INCENP: variants seen among roughly 807,000 people sequenced by gnomAD.
INCENP encodes the protein binds and activates aurora-B and -C in vivo and in vitro.
In INCENP, 43 loss-of-function variants were observed where a neutral mutation model predicts 107.3. The observed-to-expected ratio is 0.40, with a 90% CI of 0.31 to 0.52. The LOEUF (loss-of-function observed/expected upper bound fraction) is 0.52. Ranked by LOEUF, INCENP falls within the 20% of genes least tolerant of loss-of-function variation. The pLI is 0.53. For synonymous variants in INCENP, 488 were observed against 494.4 expected, an observed-to-expected ratio of 0.99 and a Z score of 0.17; for missense variants, 1,089 against 1,250.9, an observed-to-expected ratio of 0.87 and a Z score of 1.95.
intron 11 of INCENP, among the ~76,000 whole-genome samples, chr11:62,144,058 G>A (rs1187541796): frequency 3.9e-5 from 6 of 152,238 alleles, no homozygotes; most frequent in East Asian, 3.8e-4. Flanking sequence ...CCAGCTGGGT[G>A]TGGTAGCTCA....
rs150267576 is a variant in INCENP, at chr11:62,129,869, C to T, written c.342C>T (p.Val114=). 3.3e-5 allele frequency: 54 copies of T among 1,613,370 alleles called. No individual in the cohort carries two copies. The African/African-American group carries it at 5.3e-4, about 16-fold the overall frequency. The change falls in exon 4 of 19, where the codon GTC becomes GTT. Residue 114 remains valine (V), a synonymous_variant. Transcript: ENST00000394818. ...KDSVEKLATV[V]GENGSVLRRV... ...GTGTAGAGAAGCTGGCTACAGTGGT[C>T]GGGGAGAACGGCTCCGTCCTGCGGC...
At position 62,128,275 on chromosome 11, in the gene INCENP, A is replaced by C. The variant is rs766073816; in HGVS notation, c.114A>C (p.Gln38His). ...ACTTGGTGTGGCTTGAGGAAATCCA[A>C]GAGGAGGCCGAGCGCATGTTCACCA... is the stretch of plus-strand genomic sequence containing the variant. ...NKDLVWLEEIQEEAERMFTRE... is the reference protein window; with the variant it reads ...NKDLVWLEEIHEEAERMFTRE... Residue 38 changes from glutamine to histidine, a missense_variant, in exon 2 of 19, where the codon CAA becomes CAC. Transcript: ENST00000394818. The C allele has an allele frequency of 1.2e-6, 2 of 1,614,118 alleles. No homozygotes were observed. Among genetic ancestry groups the C allele is most frequent in the Non-Finnish European group, 1.7e-6 (2 of 1,180,006 alleles).
At chr11:62,124,857 G>A (rs1450797331) in intron 1 of INCENP, among the ~76,000 whole-genome samples, 3 of 152,208 alleles carry the variant, frequency 2.0e-5, no homozygotes, top group Non-Finnish European at 2.9e-5. Flanking sequence ...CTGCCCATGC[G>A]TATCCTCAAG....
At chr11:62,143,239 C>G (rs534924333) in intron 11 of INCENP, among the ~76,000 whole-genome samples, 1 of 145,148 alleles carries the variant, frequency 6.9e-6, no homozygotes, top group South Asian at 2.3e-4. Flanking sequence ...CCCCTGGTTG[C>G]CATAGGACTG....
At chr11:62,131,018 C>T (rs574895991) in intron 4 of INCENP, among the ~76,000 whole-genome samples, 1 of 152,294 alleles carries the variant, frequency 6.6e-6, no homozygotes, top group South Asian at 2.1e-4. Flanking sequence ...TTCCTCCCAA[C>T]CCTATGCTGC....
intron 11 of INCENP, chr11:62,141,740 G>A: frequency 3.2e-6 from 2 of 618,994 alleles, no homozygotes; most frequent in Non-Finnish European, 5.8e-6. Context: ...GCTCTTAGGA[G>A]GAAGCAAGGG....
chr11:62,128,134 G>A lies in INCENP; in HGVS notation c.-11-17G>A. The A allele has an allele frequency of 1.2e-6, 2 of 1,613,660 alleles. No individual in the cohort carries two copies. The highest frequency in any genetic ancestry group is 1.7e-6 in the Non-Finnish European group (2 of 1,179,868). On this transcript the variant is annotated splice_polypyrimidine_tract_variant and intron_variant, in intron 1 of 18. Transcript: ENST00000394818. ...CCTGGGCCCCTAACTTGTGCCTCTT[G>A]TCCCTGCCTTCACCAGACAGAGCCA... is the stretch of plus-strand genomic sequence containing the variant.
At chr11:62,149,005 A>G (rs891710629) in intron 17 of INCENP, among the ~76,000 whole-genome samples, 159 bp downstream of exon 17, 1 of 152,196 alleles carries the variant, frequency 6.6e-6, no homozygotes, top group Admixed American at 6.5e-5. Flanking sequence ...TTGTTATTCT[A>G]AAAGTAGAAT....
intron 18 of INCENP, among the ~76,000 whole-genome samples, chr11:62,150,648 G>C (rs941511289): frequency 6.6e-6 from 1 of 152,210 alleles, no homozygotes; most frequent in African/African-American, 2.4e-5. Flanking sequence ...AGCTCGGGGA[G>C]GCAGGAAAGT....
At chr11:62,142,397 C>T (rs60895375) in intron 11 of INCENP, among the ~76,000 whole-genome samples, 6,080 of 152,300 alleles carry the variant, frequency 0.04, 378 homozygotes, top group African/African-American at 0.14. Context: ...AGTGGCCTTA[C>T]CACCTGTGCC....
chr11:62,128,642 C>T (rs978877285), intron 2 of INCENP, 128 bp from the exon 3 acceptor site: 2 of 709,818 alleles, frequency 2.8e-6, no homozygotes, highest in Non-Finnish European at 5.0e-6. Context: ...CCTTGGAGAG[C>T]TCACTTGGTG....
chr11:62,130,022 G>A lies in INCENP; in HGVS notation c.495G>A (p.Leu165=), dbSNP rs751989353. The A allele has an allele frequency of 1.2e-6, 2 of 1,613,934 alleles. No homozygotes were observed. The highest frequency in any genetic ancestry group is 1.7e-6 in the Non-Finnish European group (2 of 1,180,028). ...AGGATAACCACACCCAGTGCCAGCTGGTGCCTGTGGTGGAGATCGGCATCA... is the reference window on the plus strand; with the variant it reads ...AGGATAACCACACCCAGTGCCAGCTAGTGCCTGTGGTGGAGATCGGCATCA... ...KPEDNHTQCQ[L]VPVVEIGISE... Residue 165 remains leucine, a synonymous_variant, in exon 4 of 19, where the codon CTG becomes CTA. Coordinates refer to ENST00000394818, the MANE Select transcript of INCENP (RefSeq NM_001040694.2).
rs371496462 is a variant in INCENP, at chr11:62,152,370, C to T, written c.*394C>T. On this transcript the variant is annotated 3_prime_UTR_variant, in exon 19 of 19. Coordinates refer to ENST00000394818, the MANE Select transcript of INCENP (RefSeq NM_001040694.2). Reference sequence around the variant, plus strand: ...GAAGACTGGGCGCCTCAGTCCCAGCCCTGTAGCTGTGTGTCTTGGGCCACC... The same window carrying T: ...GAAGACTGGGCGCCTCAGTCCCAGCTCTGTAGCTGTGTGTCTTGGGCCACC... 2.6e-4 allele frequency: 58 copies of T among 222,520 alleles called. No individual in the cohort carries two copies. The East Asian group carries it at 5.8e-3, about 22-fold the overall frequency. 13.8% of individuals were successfully genotyped at this position (222,520 alleles called of 1,614,324 possible).
In INCENP at chr11:62,130,559, C is replaced by G. The variant is rs574983256; in HGVS notation, c.1032C>G (p.Ala344=). ...RASRRLAKKT[A]EEPAASGRII... Reference sequence around the variant, plus strand: ...GCAGAAGGCTTGCCAAGAAGACTGCCGAAGAGCCAGCTGCCTCTGGCCGCA... The same window carrying G: ...GCAGAAGGCTTGCCAAGAAGACTGCGGAAGAGCCAGCTGCCTCTGGCCGCA... Residue 344 remains alanine (A), a synonymous_variant, in exon 4 of 19, where the codon GCC becomes GCG. Transcript: ENST00000394818. 5 of 1,613,298 alleles carry G rather than the reference C, an allele frequency of 3.1e-6. No individual in the cohort carries two copies. The South Asian group carries it at 4.4e-5, about 14-fold the overall frequency.
Position 62,137,578 on chromosome 11 carries a change from T to C in INCENP, c.1064-254T>C, listed in dbSNP as rs1201801870. On this transcript the variant is annotated intron_variant, in intron 4 of 18. Coordinates refer to ENST00000394818, the MANE Select transcript of INCENP (RefSeq NM_001040694.2). ...TCTTCTCGAGATATTCCCAGCCCAG[T>C]GAAGGTGCCCAGCCGTGCTCTCAGA... 2.0e-5 allele frequency among the ~76,000 whole-genome samples: 3 copies of C among 152,100 alleles called. No individual in the cohort carries two copies. In the East Asian group the frequency reaches 5.8e-4, roughly 29 times the overall value.
intron 11 of INCENP, among the ~76,000 whole-genome samples, chr11:62,143,096 G>A (rs1381377798): frequency 6.6e-6 from 1 of 152,210 alleles, no homozygotes; most frequent in East Asian, 1.9e-4. Context: ...TTTTGACTTG[G>A]CAGCTTTCTC....
chr11:62,145,608 A>G (rs1459194566), intron 13 of INCENP, 21 bp from the exon 14 acceptor site: 1 of 1,588,920 alleles, frequency 6.3e-7, no homozygotes, highest in Non-Finnish European at 8.6e-7. Context: ...TCCAATGGGC[A>G]TGTGTGGGTG....
In INCENP at chr11:62,152,720, T is replaced by C. The variant is rs1250536306; in HGVS notation, c.*744T>C. On this transcript the variant is annotated 3_prime_UTR_variant, in exon 19 of 19. Coordinates refer to ENST00000394818, the MANE Select transcript of INCENP (RefSeq NM_001040694.2). ...GCAAATGGACTTGAGAGCATCTATG[T>C]GCTGGTGAAGCATGAGGTCTGAGTA... The C allele has an allele frequency of 6.6e-6, 1 of 152,300 alleles. No individual in the cohort carries two copies. The highest frequency in any genetic ancestry group is 1.5e-5 in the Non-Finnish European group (1 of 68,122). The allele number at this position is 152,300 out of a possible 1,614,324, so 9.4% of individuals were successfully genotyped here. A position where few individuals can be genotyped will look rare whatever the true frequency, so the allele number is the denominator to read the frequency against.
Position 62,144,711 on chromosome 11 carries a change from T to C in INCENP, c.1606-271T>C, listed in dbSNP as rs1156525602. ...ATAAATCCTATTTGGAGCCTGACTTTTGTGTTGCCCAAAACTTGGCAGGGC... is the reference window on the plus strand; with the variant it reads ...ATAAATCCTATTTGGAGCCTGACTTCTGTGTTGCCCAAAACTTGGCAGGGC... On this transcript the variant is annotated intron_variant, in intron 11 of 18. Coordinates refer to ENST00000394818, the MANE Select transcript of INCENP (RefSeq NM_001040694.2). The C allele has an allele frequency of 4.1e-6, 3 of 726,046 alleles. No individual in the cohort carries two copies. In the African/African-American group the frequency reaches 5.1e-5, roughly 12 times the overall value. The allele number at this position is 726,046 out of a possible 1,614,324, so 45.0% of individuals were successfully genotyped here. A position where few individuals can be genotyped will look rare whatever the true frequency, so the allele number is the denominator to read the frequency against.
Sources: gnomAD v4.1 joint callset for allele counts (sites outside exome capture counted in the v4.1 genomes callset) on GRCh38, gnomAD v4.1.1 for gene constraint, MANE v1.5 for transcripts, NCBI Gene and HGNC (gene_info 2026-07-23, HGNC 2026-07-21) for gene names.